The following RPL7A variants were observed in gnomAD, a reference collection of about 807,000 sequenced individuals.
RPL7A encodes the protein large ribosomal subunit protein eL8.
For synonymous variants in RPL7A, 158 were observed against 128.2 expected (o/e 1.23, Z -1.57); for missense variants, 291 against 338.2 (o/e 0.86, Z 1.09).
chr9:133,351,414 A>T lies in RPL7A; in HGVS notation c.*48A>T, dbSNP rs2130000126. 1 of 1,381,702 alleles carries T rather than the reference A, an allele frequency of 7.2e-7. No homozygotes were observed. Among genetic ancestry groups the T allele is most frequent in the Non-Finnish European group, 1.0e-6 (1 of 989,858 alleles). 85.6% of individuals were successfully genotyped at this position (1,381,702 alleles called of 1,614,324 possible). ...TACATAAAAATAATTGAAATAATACAAATTTTCCTTCAGCCAGTGTCTGTT... is the reference window on the plus strand; with the variant it reads ...TACATAAAAATAATTGAAATAATACTAATTTTCCTTCAGCCAGTGTCTGTT... On this transcript the variant is annotated 3_prime_UTR_variant, in exon 8 of 8. Coordinates refer to ENST00000323345, the MANE Select transcript of RPL7A (RefSeq NM_000972.3).
Position 133,349,967 on chromosome 9 carries a change from G to A in RPL7A, c.330G>A (p.Lys110=). 6.2e-7 allele frequency: 1 copy of A among 1,612,206 alleles called. No individual in the cohort carries two copies. Among genetic ancestry groups the A allele is most frequent in the South Asian group, 1.1e-5 (1 of 91,010 alleles). The change falls in exon 4 of 8, where the codon AAG becomes AAA. Residue 110 remains lysine, a synonymous_variant. Coordinates refer to ENST00000323345, the MANE Select transcript of RPL7A (RefSeq NM_000972.3). ...ACAGACCAGAGACAAAGCAAGAGAA[G>A]AAGCAGAGACTGTTGGCCCGGGCCG... is the stretch of plus-strand genomic sequence containing the variant. The part of the protein sequence containing the change: ...HKYRPETKQE[K]KQRLLARAEK...
At chr9:133,350,753 T>C (rs2129995872) in intron 6 of RPL7A, 26 bp downstream of exon 6, 68 of 1,608,772 alleles carry the variant, frequency 4.2e-5, no homozygotes, top group Admixed American at 1.0e-4. Context: ...GGCCCCAAAC[T>C]TCCCCCCAGT....
chr9:133,348,541 C>G lies in RPL7A; in HGVS notation c.3+295C>G, dbSNP rs2129979246. 11 of 598,276 alleles carry G rather than the reference C, an allele frequency of 1.8e-5. No individual in the cohort carries two copies. The South Asian group carries it at 2.2e-4, about 12-fold the overall frequency. The allele number at this position is 598,276 out of a possible 1,614,324, so 37.1% of individuals were successfully genotyped here. A position where few individuals can be genotyped will look rare whatever the true frequency, so the allele number is the denominator to read the frequency against. Reference sequence around the variant, plus strand: ...TGCGGGGCTCGGAGCCCTAGCGTCTCTCGGGCTTGCTGGGGGCCGCTCCAG... The same window carrying G: ...TGCGGGGCTCGGAGCCCTAGCGTCTGTCGGGCTTGCTGGGGGCCGCTCCAG... On this transcript the variant is annotated intron_variant, in intron 1 of 7. Transcript: ENST00000323345.
In RPL7A at chr9:133,348,895, T is replaced by C. The variant is rs112569069; in HGVS notation, c.4-27T>C. On this transcript the variant is annotated intron_variant, in intron 1 of 7. Transcript: ENST00000323345. ...CCGACGAAGCGAGTGGAGGCGGCGG[T>C]TTAACTGACGTTTTCTTTCTGCCCA... is the stretch of plus-strand genomic sequence containing the variant. The C allele has an allele frequency of 7.9e-4, 1,273 of 1,612,982 alleles. 10 individuals are homozygous for C. In the African/African-American group the frequency reaches 0.015, roughly 19 times the overall value.
At chr9:133,350,185 T>A in intron 4 of RPL7A, 55 bp from the exon 5 acceptor site, 3 of 1,611,848 alleles carry the variant, frequency 1.9e-6, no homozygotes, top group Non-Finnish European at 2.5e-6. Flanking sequence ...GCCCAGCAGC[T>A]TCTTGTGACT....
intron 4 of RPL7A, 67 bp from the exon 5 acceptor site, chr9:133,350,173 G>A (rs2129991884): frequency 6.2e-7 from 1 of 1,611,696 alleles, no homozygotes; most frequent in Non-Finnish European, 8.5e-7. Flanking sequence ...GTCAGCAGCT[G>A]AGCCCAGCAG....
At chr9:133,349,445 T>C (rs2129986121) in intron 2 of RPL7A, 106 bp from the exon 3 acceptor site, 1 of 1,388,364 alleles carries the variant, frequency 7.2e-7, no homozygotes, top group Admixed American at 1.7e-5. Context: ...GTGATGACAT[T>C]TTAAACCACC....
chr9:133,351,351 C>A lies in RPL7A; in HGVS notation c.786C>A (p.Ala262=), dbSNP rs2129999645. ...AAAAGGCAAAGGCTAAAGAACTTGC[C>A]ACTAAACTGGGTTAAATGTACACTG... ...KLEKAKAKEL[A]TKLG Residue 262 remains alanine (A), a synonymous_variant, in exon 8 of 8, where the codon GCC becomes GCA. Transcript: ENST00000323345. The A allele has an allele frequency of 1.2e-6, 2 of 1,609,074 alleles. No homozygotes were observed. Among genetic ancestry groups the A allele is most frequent in the African/African-American group, 2.7e-5 (2 of 74,874 alleles).
Position 133,349,619 on chromosome 9 carries a change from C to A in RPL7A, c.193C>A (p.Arg65=), listed in dbSNP as rs2129987483. Residue 65 remains arginine, a synonymous_variant, in exon 3 of 8, where the codon CGG becomes AGG. Transcript: ENST00000323345. The stretch of plus-strand genomic sequence containing the variant: ...ATGGCCCCGCTATATCAGGTTGCAG[C>A]GGCAGAGAGCCATCCTCTATAAGCG... The part of the protein sequence containing the change: ...VKWPRYIRLQ[R]QRAILYKRLK... The A allele has an allele frequency of 6.2e-7, 1 of 1,614,016 alleles. No individual in the cohort carries two copies. Among genetic ancestry groups the A allele is most frequent in the East Asian group, 2.2e-5 (1 of 44,886 alleles).
chr9:133,349,775 T>C (rs1377336246), intron 3 of RPL7A, 75 bp downstream of exon 3: 2 of 1,592,120 alleles, frequency 1.3e-6, no homozygotes, highest in African/African-American at 1.4e-5. Context: ...AGGGGGATGG[T>C]CTTAGGCTTC....
chr9:133,348,772 G>A (rs2129980819), intron 1 of RPL7A, 150 bp from the exon 2 acceptor site: 13 of 1,139,142 alleles, frequency 1.1e-5, no homozygotes, highest in Admixed American at 1.8e-5. Flanking sequence ...CCTGTCGAGG[G>A]GTGGTGCTGG....
rs2130000075 is a variant in RPL7A at position 133,351,408 on chromosome 9, T to C, written c.*42T>C. On this transcript the variant is annotated 3_prime_UTR_variant, in exon 8 of 8. Coordinates refer to ENST00000323345, the MANE Select transcript of RPL7A (RefSeq NM_000972.3). Reference sequence around the variant, plus strand: ...TTTCTGTACATAAAAATAATTGAAATAATACAAATTTTCCTTCAGCCAGTG... The same window carrying C: ...TTTCTGTACATAAAAATAATTGAAACAATACAAATTTTCCTTCAGCCAGTG... 13 of 1,408,676 alleles carry C rather than the reference T, an allele frequency of 9.2e-6. No homozygotes were observed. The East Asian group carries it at 2.1e-4, about 23-fold the overall frequency. 87.3% of individuals were successfully genotyped at this position (1,408,676 alleles called of 1,614,324 possible).
intron 1 of RPL7A, 45 bp downstream of exon 1, chr9:133,348,291 G>A: frequency 1.2e-6 from 2 of 1,613,924 alleles, no homozygotes; most frequent in Non-Finnish European, 1.7e-6. Context: ...GGTTCCGGCT[G>A]TATCCGCTGC....
intron 3 of RPL7A, 32 bp downstream of exon 3, chr9:133,349,732 C>T: frequency 6.2e-7 from 1 of 1,610,794 alleles, no homozygotes; most frequent in Non-Finnish European, 8.5e-7. Flanking sequence ...AGGAGTTTCT[C>T]AGGCAAGGAT....
chr9:133,349,319 TCTG>T (rs1315216809), intron 2 of RPL7A: 15 of 804,680 alleles, frequency 1.9e-5, no homozygotes, highest in Admixed American at 6.9e-5. Context: ...GGACTGCAAT[TCTG>T]CTGTACTTCG....
chr9:133,348,295 C>T (rs1836266364), intron 1 of RPL7A, 49 bp downstream of exon 1: 1 of 1,613,750 alleles, frequency 6.2e-7, no homozygotes, highest in Non-Finnish European at 8.5e-7. Context: ...CCGGCTGTAT[C>T]CGCTGCCATC....
At chr9:133,350,168 C>T in intron 4 of RPL7A, 72 bp from the exon 5 acceptor site, 1 of 1,610,234 alleles carries the variant, frequency 6.2e-7, no homozygotes, top group Non-Finnish European at 8.5e-7. Flanking sequence ...ACTGAGTCAG[C>T]AGCTGAGCCC....
chr9:133,350,254 A>T lies in RPL7A; in HGVS notation c.430A>T (p.Thr144Ser). The T allele has an allele frequency of 6.2e-7, 1 of 1,613,916 alleles. No homozygotes were observed. The highest frequency in any genetic ancestry group is 8.5e-7 in the Non-Finnish European group (1 of 1,180,016). The change falls in exon 5 of 8, where the codon ACC (threonine) becomes TCC (serine). Residue 144 changes from threonine (T) to serine (S), a missense_variant. Thr to Ser is a moderately conservative substitution (Grantham distance 58). Coordinates refer to ENST00000323345, the MANE Select transcript of RPL7A (RefSeq NM_000972.3). Reference protein sequence around the residue: ...PVLRAGVNTVTTLVENKKAQL... With the variant: ...PVLRAGVNTVSTLVENKKAQL... ...GTGTGTTCTAGGAGTTAACACCGTCACCACCTTGGTGGAGAACAAGAAAGC... is the reference window on the plus strand; with the variant it reads ...GTGTGTTCTAGGAGTTAACACCGTCTCCACCTTGGTGGAGAACAAGAAAGC...
chr9:133,351,226 G>A (rs2129998746), intron 7 of RPL7A, 36 bp from the exon 8 acceptor site: 117,820 of 1,596,944 alleles, frequency 0.074, 4,897 homozygotes, highest in Non-Finnish European at 0.085. Flanking sequence ...TCAGAAAACA[G>A]TAAGCCAAGC....
Sources: allele counts gnomAD v4.1 joint callset, GRCh38; gene constraint gnomAD v4.1.1; transcripts MANE v1.5; gene names NCBI Gene and HGNC (gene_info 2026-07-23, HGNC 2026-07-21).